The following GPC5 variants were observed in gnomAD, a reference collection of about 807,000 sequenced individuals.
GPC5 encodes the protein glypican-5.
GPC5 carries 47 observed loss-of-function variants against 53.9 expected under a neutral mutation model. The observed-to-expected ratio is 0.87, with a 90% CI of 0.69 to 1.11. The LOEUF (loss-of-function observed/expected upper bound fraction) is 1.11. Ranked by LOEUF, GPC5 falls within the 50% of genes most tolerant of loss-of-function variation. The pLI, the probability that GPC5 is intolerant of heterozygous loss-of-function variation, is 0.00. For missense variants in GPC5, 748 were observed against 713.1 expected (o/e 1.05, Z -0.56); for synonymous variants, 286 against 263.3 (o/e 1.09, Z -0.84).
intron 7 of GPC5, among the ~76,000 whole-genome samples, chr13:92,697,630 T>G (rs1281195079): frequency 1.3e-5 from 2 of 152,210 alleles, no homozygotes; most frequent in Non-Finnish European, 2.9e-5. Context: ...TACAATCATG[T>G]CATCTGCAAA....
intron 1 of GPC5, among the ~76,000 whole-genome samples, chr13:91,422,766 C>G (rs1256926262): frequency 6.6e-6 from 1 of 152,132 alleles, no homozygotes; most frequent in Non-Finnish European, 1.5e-5. Flanking sequence ...CAGGTCATCA[C>G]ATAACAAGAG....
At chr13:91,977,560 T>C (rs2040315097) in intron 6 of GPC5, among the ~76,000 whole-genome samples, 1 of 152,184 alleles carries the variant, frequency 6.6e-6, no homozygotes, top group African/African-American at 2.4e-5. Flanking sequence ...ACATTAGGAT[T>C]ATTTTTAAGG....
intron 1 of GPC5, among the ~76,000 whole-genome samples, chr13:91,428,514 T>C (rs56269714): frequency 0.12 from 18,507 of 152,142 alleles, 2,017 homozygotes; most frequent in African/African-American, 0.3. Flanking sequence ...GTGCACCAAA[T>C]GAAAATGGAA....
intron 2 of GPC5, among the ~76,000 whole-genome samples, chr13:91,544,360 A>G (rs1036941879): frequency 2.6e-5 from 4 of 152,146 alleles, no homozygotes; most frequent in Admixed American, 1.3e-4. Flanking sequence ...AAAATACTAC[A>G]GTTATTGTCT....
At chr13:91,501,196 C>T (rs190310348) in intron 2 of GPC5, among the ~76,000 whole-genome samples, 66 of 149,474 alleles carry the variant, frequency 4.4e-4, no homozygotes, top group African/African-American at 1.5e-3. Context: ...TGAAGTTATT[C>T]GTAACAGCAA....
At chr13:91,650,749 A>ATTTTTTTTTTTTTTTTTTTTT (rs1594380934) in intron 2 of GPC5, among the ~76,000 whole-genome samples, 1 of 67,052 alleles carries the variant, frequency 1.5e-5, no homozygotes, top group African/African-American at 9.8e-5. Context: ...AATTCCCATA[A>ATTTTTTTTTTTTTTTTTTTTT]GTTTTTTTTT....
chr13:91,465,629 A>G (rs1256633962), intron 2 of GPC5, among the ~76,000 whole-genome samples: 1 of 152,206 alleles, frequency 6.6e-6, no homozygotes, highest in African/African-American at 2.4e-5. Context: ...GCTCTGGGCT[A>G]ATTCCATTTA....
intron 6 of GPC5, among the ~76,000 whole-genome samples, chr13:92,019,101 T>C (rs1395628279): frequency 6.6e-6 from 1 of 152,050 alleles, no homozygotes. Context: ...TATACATATA[T>C]GCTAATAAAA....
intron 1 of GPC5, among the ~76,000 whole-genome samples, chr13:91,444,542 C>T (rs1594099095): frequency 6.6e-6 from 1 of 152,298 alleles, no homozygotes; most frequent in African/African-American, 2.4e-5. Context: ...TGTAACATTG[C>T]AGAGCTTCCT....
chr13:92,593,994 T>C (rs560582859), intron 7 of GPC5, among the ~76,000 whole-genome samples: 2 of 152,102 alleles, frequency 1.3e-5, no homozygotes, highest in Non-Finnish European at 2.9e-5. Context: ...GAACAAATAG[T>C]GTAGACAAGG....
chr13:91,778,359 T>C (rs1212339100), intron 5 of GPC5, among the ~76,000 whole-genome samples: 1 of 152,138 alleles, frequency 6.6e-6, no homozygotes, highest in Non-Finnish European at 1.5e-5. Flanking sequence ...CTGGAGTTGG[T>C]CTCCATCTTC....
At chr13:91,755,599 G>C (rs2037272622) in intron 4 of GPC5, among the ~76,000 whole-genome samples, 1 of 152,040 alleles carries the variant, frequency 6.6e-6, no homozygotes, top group African/African-American at 2.4e-5. Context: ...AAACCTGCTT[G>C]TTGTTGAATT....
intron 7 of GPC5, among the ~76,000 whole-genome samples, chr13:92,499,941 C>G (rs1181721572): frequency 6.6e-6 from 1 of 152,084 alleles, no homozygotes; most frequent in Admixed American, 6.6e-5. Context: ...AGCTATAAAA[C>G]CTGAACAGAA....
At chr13:92,071,178 G>T (rs1421567092) in intron 6 of GPC5, among the ~76,000 whole-genome samples, 1 of 152,134 alleles carries the variant, frequency 6.6e-6, no homozygotes, top group African/African-American at 2.4e-5. Context: ...AGAGGCTGCG[G>T]TGAACCAAGA....
intron 7 of GPC5, among the ~76,000 whole-genome samples, chr13:92,727,780 GC>G (rs1317658208): frequency 6.6e-6 from 1 of 151,276 alleles, no homozygotes; most frequent in Non-Finnish European, 1.5e-5. Context: ...ATTGGAGATG[GC>G]TTTCTTTAGA....
intron 7 of GPC5, among the ~76,000 whole-genome samples, chr13:92,453,541 T>C (rs1314166675): frequency 6.6e-6 from 1 of 152,190 alleles, no homozygotes; most frequent in African/African-American, 2.4e-5. Flanking sequence ...ATATAAACTA[T>C]TTCAAGTTTC....
intron 5 of GPC5, among the ~76,000 whole-genome samples, chr13:91,865,877 T>G (rs562825540): frequency 1.3e-5 from 2 of 151,994 alleles, no homozygotes; most frequent in South Asian, 2.1e-4. Flanking sequence ...AATGAATACT[T>G]TTTTTTTGAG....
chr13:92,327,714 G>T (rs2043261785), intron 7 of GPC5, among the ~76,000 whole-genome samples: 1 of 152,116 alleles, frequency 6.6e-6, no homozygotes, highest in Non-Finnish European at 1.5e-5. Flanking sequence ...GATTTGAAAA[G>T]CTACAGATGG....
intron 2 of GPC5, among the ~76,000 whole-genome samples, chr13:91,671,957 A>T (rs1481669158): frequency 6.6e-6 from 1 of 152,118 alleles, no homozygotes; most frequent in East Asian, 1.9e-4. Flanking sequence ...CAACCATCTG[A>T]TCTTCAACAA....
Sources: allele counts gnomAD v4.1 joint callset (sites outside exome capture counted in the v4.1 genomes callset), GRCh38; gene constraint gnomAD v4.1.1; transcripts MANE v1.5; gene names NCBI Gene and HGNC (gene_info 2026-07-23, HGNC 2026-07-21).